The following NEGR1 variants were observed in gnomAD, a reference collection of about 807,000 sequenced individuals.
NEGR1 encodes the protein IgLON family member 4.
In NEGR1, 10 loss-of-function variants were observed where a neutral mutation model predicts 40.9. The observed-to-expected ratio is 0.24, with a 90% CI of 0.15 to 0.42. The LOEUF (loss-of-function observed/expected upper bound fraction) is 0.42. Ranked by LOEUF, NEGR1 falls within the 10% of genes least tolerant of loss-of-function variation. NEGR1 has a pLI of 1.00. For missense variants in NEGR1, 352 were observed against 438.9 expected (o/e 0.80, Z 1.77); for synonymous variants, 185 against 166.8 (o/e 1.11, Z -0.84).
chr1:72,029,399 TAA>T (rs1191592558), intron 1 of NEGR1, among the ~76,000 whole-genome samples: 2 of 152,074 alleles, frequency 1.3e-5, no homozygotes, highest in African/African-American at 4.8e-5. Flanking sequence ...GATCAAGGTA[TAA>T]GAAAAAGCAA....
At position 71,927,851 on chromosome 1, in the gene NEGR1, A is replaced by AAAAAAAAAG. The variant is rs1557437874; in HGVS notation, c.409+7227_409+7228insCTTTTTTTT. Among the ~76,000 whole-genome samples, 71 of 125,382 alleles carry AAAAAAAAAG rather than the reference A, an allele frequency of 5.7e-4. 2 individuals are homozygous for AAAAAAAAAG. Among genetic ancestry groups the AAAAAAAAAG allele is most frequent in the African/African-American group, 2.2e-3 (68 of 31,110 alleles). 82.3% of individuals were successfully genotyped at this position (125,382 alleles called of 152,430 possible). On this transcript the variant is annotated intron_variant, in intron 2 of 6. Transcript: ENST00000357731. ...AAAAAAAAAAAAAAAAAAAAAAAAAAGCCAGGCAGAGTGGTGTGCACCTGT... is the reference window on the plus strand; with the variant it reads ...AAAAAAAAAAAAAAAAAAAAAAAAAAAAAAAAAAGGCCAGGCAGAGTGGTGTGCACCTGT...
At chr1:72,035,273 A>G (rs1168962975) in intron 1 of NEGR1, among the ~76,000 whole-genome samples, 4 of 152,088 alleles carry the variant, frequency 2.6e-5, no homozygotes, top group African/African-American at 9.7e-5. Context: ...CTTTTTGTCT[A>G]TTAAACTTTC....
chr1:71,674,376 G>C (rs371281939), intron 4 of NEGR1, among the ~76,000 whole-genome samples: 9 of 152,152 alleles, frequency 5.9e-5, no homozygotes, highest in South Asian at 2.1e-4. Context: ...CTCAATCCAG[G>C]ACACACTGAT....
chr1:71,825,314 T>C (rs1173666555), intron 2 of NEGR1, among the ~76,000 whole-genome samples: 6 of 152,000 alleles, frequency 3.9e-5, no homozygotes, highest in African/African-American at 1.4e-4. Context: ...GAAAACAGTC[T>C]GAGTTCTATT....
intron 1 of NEGR1, among the ~76,000 whole-genome samples, chr1:72,180,163 T>C (rs1295211589): frequency 1.3e-5 from 2 of 152,024 alleles, no homozygotes; most frequent in African/African-American, 2.4e-5. Flanking sequence ...AACAGTATTT[T>C]ACTGGCACAA....
Position 71,640,520 on chromosome 1 carries a change from C to T in NEGR1, c.668-29374G>A, listed in dbSNP as rs149475054. Among the ~76,000 whole-genome samples the T allele has an allele frequency of 4.6e-4, 70 of 152,096 alleles. No homozygotes were observed. The East Asian group carries it at 0.013, about 28-fold the overall frequency. On this transcript the variant is annotated intron_variant, in intron 4 of 6. Coordinates refer to ENST00000357731, the MANE Select transcript of NEGR1 (RefSeq NM_173808.3). Reference sequence around the variant, plus strand: ...TCCTCTCTTAACAAAAGGGATGGAACGTGATAAGCAGTTGGTAAGTGTTAA... The same window carrying T: ...TCCTCTCTTAACAAAAGGGATGGAATGTGATAAGCAGTTGGTAAGTGTTAA...
chr1:71,770,786 A>G (rs1444464529), intron 3 of NEGR1, among the ~76,000 whole-genome samples: 3 of 152,242 alleles, frequency 2.0e-5, no homozygotes, highest in Non-Finnish European at 2.9e-5. Context: ...CAATCATTAA[A>G]AAGTCAGGAA....
At chr1:71,407,972 A>C (rs1341040731) in intron 6 of NEGR1, 1 of 157,604 alleles carries the variant, frequency 6.3e-6, no homozygotes, top group African/African-American at 2.4e-5. Flanking sequence ...GCTGTGTTTT[A>C]TTAGCTAAAT....
chr1:71,786,602 G>A (rs1656917514), intron 2 of NEGR1, among the ~76,000 whole-genome samples: 1 of 152,154 alleles, frequency 6.6e-6, no homozygotes, highest in South Asian at 2.1e-4. Flanking sequence ...GAGGGAGTGA[G>A]TTTGGGTCCA....
chr1:71,596,152 AC>A (rs1389171795), intron 5 of NEGR1, among the ~76,000 whole-genome samples: 3 of 151,848 alleles, frequency 2.0e-5, no homozygotes, highest in Non-Finnish European at 2.9e-5. Flanking sequence ...ACTTGGAAAT[AC>A]CTGGTCATTT....
Position 71,396,020 on chromosome 1 carries a change from C to T in NEGR1, c.*11426G>A, listed in dbSNP as rs1402204891. ...AAATGTGGAAACTGAAGCCCCATTCCAGAGAAGACATTGCTTTTTATGATA... is the reference window on the plus strand; with the variant it reads ...AAATGTGGAAACTGAAGCCCCATTCTAGAGAAGACATTGCTTTTTATGATA... On this transcript the variant is annotated 3_prime_UTR_variant, in exon 7 of 7. Transcript: ENST00000357731. 1 of 152,056 alleles carries T rather than the reference C, an allele frequency of 6.6e-6. No individual in the cohort carries two copies. The highest frequency in any genetic ancestry group is 1.5e-5 in the Non-Finnish European group (1 of 68,012). 9.4% of individuals were successfully genotyped at this position (152,056 alleles called of 1,614,324 possible). A position where few individuals can be genotyped will look rare whatever the true frequency, so the allele number is the denominator to read the frequency against.
chr1:71,870,378 G>A (rs901018716), intron 2 of NEGR1, among the ~76,000 whole-genome samples: 4 of 152,048 alleles, frequency 2.6e-5, no homozygotes, highest in African/African-American at 9.7e-5. Flanking sequence ...TTACGTTAGG[G>A]TATGCAATTT....
chr1:71,673,459 T>TTTGGA (rs1652505692), intron 4 of NEGR1, among the ~76,000 whole-genome samples: 2 of 58,106 alleles, frequency 3.4e-5, no homozygotes, highest in African/African-American at 5.9e-5. Context: ...ACTTGGTTCC[T>TTTGGA]GCTTTTATGG....
chr1:72,235,454 A>G (rs1654516995), intron 1 of NEGR1, among the ~76,000 whole-genome samples: 1 of 152,096 alleles, frequency 6.6e-6, no homozygotes, highest in South Asian at 2.1e-4. Flanking sequence ...TAAGTAGAAT[A>G]CAGGATGAAC....
At chr1:71,558,472 T>C (rs897877909) in intron 6 of NEGR1, among the ~76,000 whole-genome samples, 2 of 151,612 alleles carry the variant, frequency 1.3e-5, no homozygotes, top group African/African-American at 4.8e-5. Context: ...CATTCCTTTA[T>C]TTTTAATTGG....
intron 6 of NEGR1, among the ~76,000 whole-genome samples, chr1:71,491,949 A>G (rs1469985418): frequency 6.6e-6 from 1 of 152,068 alleles, no homozygotes; most frequent in East Asian, 1.9e-4. Flanking sequence ...TGATTAGGTC[A>G]TCAGGGTTCA....
chr1:71,596,068 A>T (rs1649702536), intron 5 of NEGR1, among the ~76,000 whole-genome samples: 1 of 146,508 alleles, frequency 6.8e-6, no homozygotes. Flanking sequence ...AAAAAAAGAG[A>T]AACAAATTCT....
At chr1:71,643,678 A>G (rs776322202) in intron 4 of NEGR1, among the ~76,000 whole-genome samples, 10 of 152,000 alleles carry the variant, frequency 6.6e-5, no homozygotes, top group Non-Finnish European at 1.0e-4. Context: ...GGTGGTTTCT[A>G]CAACTTGTAA....
chr1:71,805,504 A>G (rs1438342437), intron 2 of NEGR1, among the ~76,000 whole-genome samples: 1 of 152,180 alleles, frequency 6.6e-6, no homozygotes, highest in Non-Finnish European at 1.5e-5. Context: ...ATAGATAAGA[A>G]CCTACGTGAA....
Sources: allele counts gnomAD v4.1 joint callset (sites outside exome capture counted in the v4.1 genomes callset), GRCh38; gene constraint gnomAD v4.1.1; transcripts MANE v1.5; gene names NCBI Gene and HGNC (gene_info 2026-07-23, HGNC 2026-07-21).